Variants in SEMA3D observed in about 807,000 individuals in gnomAD.
SEMA3D encodes the protein semaphorin 3D.
SEMA3D carries 84 observed loss-of-function variants against 100.1 expected under a neutral mutation model. That is an observed-to-expected ratio of 0.84 (90% CI 0.70 to 1.01). SEMA3D has a LOEUF of 1.01. Ranked by LOEUF, SEMA3D falls within the 50% of genes least tolerant of loss-of-function variation. The probability of loss-of-function intolerance (pLI) is 0.00; values close to 1 mark genes in which losing one functional copy is unlikely to be tolerated. For missense variants in SEMA3D, 875 were observed against 934.1 expected (o/e 0.94, Z 0.82); for synonymous variants, 312 against 320.7 (o/e 0.97, Z 0.29).
chr7:85,190,572 G>T (rs946900394), upstream of SEMA3D, among the ~76,000 whole-genome samples: 2 of 151,544 alleles, frequency 1.3e-5, no homozygotes, highest in Non-Finnish European at 2.9e-5. Context: ...TCATTTGATC[G>T]TAGCAATACA....
chr7:85,148,595 T>A (rs1027153155), intron 2 of SEMA3D, among the ~76,000 whole-genome samples: 5 of 152,152 alleles, frequency 3.3e-5, no homozygotes, highest in Admixed American at 1.3e-4. Context: ...TCAAACCTCC[T>A]TCCTTGGAGC....
At chr7:85,141,530 C>A (rs1482412022) in intron 2 of SEMA3D, 2 of 984,674 alleles carry the variant, frequency 2.0e-6, no homozygotes, top group African/African-American at 3.5e-5. Context: ...CATGAATGAC[C>A]ACAAAGTCTT....
Position 84,999,722 on chromosome 7 carries a change from A to T in SEMA3D, c.2052T>A (p.Ile684=). 1 of 1,613,972 alleles carries T rather than the reference A, an allele frequency of 6.2e-7. No homozygotes were observed. Among genetic ancestry groups the T allele is most frequent in the Non-Finnish European group, 8.5e-7 (1 of 1,179,978 alleles). ...HTIVKLTLNV[I]ENEQMENTQR... is the part of the protein sequence containing the mutation. Reference sequence around the variant, plus strand: ...GGGTATTTTCCATCTGTTCATTCTCAATGACATTCAAAGTCAGCTTCACTA... The same window carrying T: ...GGGTATTTTCCATCTGTTCATTCTCTATGACATTCAAAGTCAGCTTCACTA... The change falls in exon 19 of 19, where the codon ATT becomes ATA. Residue 684 remains isoleucine, a synonymous_variant. Transcript: ENST00000284136.
chr7:85,189,344 AGGG>A (rs1791643871), upstream of SEMA3D, among the ~76,000 whole-genome samples: 1 of 152,218 alleles, frequency 6.6e-6, no homozygotes, highest in South Asian at 2.1e-4. Context: ...ATAACTGTAT[AGGG>A]TCCCACCAAG....
chr7:85,061,227 G>C (rs1791469304), intron 8 of SEMA3D, among the ~76,000 whole-genome samples: 1 of 152,036 alleles, frequency 6.6e-6, no homozygotes, highest in South Asian at 2.1e-4. Flanking sequence ...CTCCTCGTAA[G>C]GTATTTGCTA....
the SEMA3D span, among the ~76,000 whole-genome samples, chr7:85,238,961 A>G: frequency 1.3e-5 from 2 of 152,260 alleles, no homozygotes; most frequent in African/African-American, 2.4e-5. Flanking sequence ...TGTAAATAGT[A>G]CTGCATTTTA....
the SEMA3D span, among the ~76,000 whole-genome samples, chr7:85,208,871 G>C: frequency 6.6e-6 from 1 of 151,952 alleles, no homozygotes; most frequent in Admixed American, 6.6e-5. Flanking sequence ...AAATAATCTA[G>C]ATATGTTCAT....
intron 12 of SEMA3D, chr7:85,029,717 G>T: frequency 9.5e-6 from 3 of 314,930 alleles, no homozygotes; most frequent in South Asian, 5.8e-5. Flanking sequence ...TATAGATGTA[G>T]CATTCTTCTA....
At chr7:85,016,837 C>G (rs1790118606) in intron 15 of SEMA3D, among the ~76,000 whole-genome samples, 1 of 144,450 alleles carries the variant, frequency 6.9e-6, no homozygotes, top group African/African-American at 2.6e-5. Context: ...CCAGACTGGA[C>G]TTGAGCTCCT....
intron 8 of SEMA3D, among the ~76,000 whole-genome samples, chr7:85,063,314 A>C (rs570726438): frequency 2.6e-5 from 4 of 152,296 alleles, no homozygotes; most frequent in African/African-American, 9.6e-5. Context: ...TGTCCTGGGC[A>C]AAGTAGGTCA....
chr7:85,055,940 G>T, intron 8 of SEMA3D, 81 bp from the exon 9 acceptor site: 2 of 718,380 alleles, frequency 2.8e-6, no homozygotes, highest in East Asian at 3.4e-5. Flanking sequence ...CCACGTAAAA[G>T]CAATTAGCAG....
At chr7:85,200,007 A>G in the SEMA3D span, among the ~76,000 whole-genome samples, 8 of 152,132 alleles carry the variant, frequency 5.3e-5, no homozygotes, top group Non-Finnish European at 1.0e-4. Flanking sequence ...GATGTGATTT[A>G]CTTCTCCTTG....
chr7:85,068,397 A>G (rs1327861359), intron 6 of SEMA3D, 113 bp from the exon 7 acceptor site: 6 of 650,252 alleles, frequency 9.2e-6, no homozygotes. Context: ...CTAATTGAGC[A>G]TATAGCATGT....
intron 1 of SEMA3D, among the ~76,000 whole-genome samples, chr7:85,181,061 G>T (rs1029874480): frequency 2.8e-4 from 42 of 152,206 alleles, no homozygotes; most frequent in Non-Finnish European, 5.1e-4. Flanking sequence ...TCATTTTAAT[G>T]CAATAATATC....
At chr7:85,084,006 GC>G (rs1788144108) in intron 4 of SEMA3D, among the ~76,000 whole-genome samples, 1 of 151,068 alleles carries the variant, frequency 6.6e-6, no homozygotes. Flanking sequence ...AATTAGCCTG[GC>G]GTGGTGGCAG....
chr7:85,234,612 A>T, the SEMA3D span, among the ~76,000 whole-genome samples: 1 of 152,192 alleles, frequency 6.6e-6, no homozygotes. Context: ...GCTCAGAAAA[A>T]TTTATGAAAG....
the SEMA3D span, among the ~76,000 whole-genome samples, chr7:85,193,117 C>A: frequency 6.6e-6 from 1 of 152,100 alleles, no homozygotes; most frequent in Non-Finnish European, 1.5e-5. Flanking sequence ...CTTCTTGGAT[C>A]GCTCAGAGAA....
chr7:85,033,573 G>T (rs1388852799), intron 12 of SEMA3D, among the ~76,000 whole-genome samples: 1 of 152,070 alleles, frequency 6.6e-6, no homozygotes, highest in Non-Finnish European at 1.5e-5. Flanking sequence ...GGACTCAACT[G>T]CTGGGTCTAC....
the SEMA3D span, among the ~76,000 whole-genome samples, chr7:85,231,513 C>CGG: frequency 2.3e-5 from 3 of 131,036 alleles, no homozygotes; most frequent in East Asian, 2.2e-4. Flanking sequence ...AGTAGTGGGG[C>CGG]GATCTCGGCT....
Sources: gnomAD v4.1 joint callset for allele counts (sites outside exome capture counted in the v4.1 genomes callset) on GRCh38, gnomAD v4.1.1 for gene constraint, MANE v1.5 for transcripts, NCBI Gene and HGNC (gene_info 2026-07-23, HGNC 2026-07-21) for gene names.